CCNH: variants seen among roughly 807,000 people sequenced by gnomAD.
CCNH encodes the protein cyclin-H.
Under a neutral mutation model 41.9 loss-of-function variants are expected in CCNH, and 31 were observed. The ratio of observed to expected loss-of-function variants is 0.74; its 90% CI spans 0.56 to 1.00. The LOEUF is 1.00. CCNH is among the 50% of genes least tolerant of loss of function. The pLI, the probability that CCNH is intolerant of heterozygous loss-of-function variation, is 0.00. For synonymous variants in CCNH, 138 were observed against 136.1 expected, an observed-to-expected ratio of 1.01 and a Z score of -0.10; for missense variants, 362 against 388.4, an observed-to-expected ratio of 0.93 and a Z score of 0.57.
At chr5:87,393,493 T>C (rs1762672727), downstream of CCNH, 2 of 152,228 alleles carry the variant, frequency 1.3e-5, no homozygotes, top group Non-Finnish European at 2.9e-5. Flanking sequence ...CAAGGTCACA[T>C]AGTGAAATAC....
intron 9 of CCNH, among the ~76,000 whole-genome samples, chr5:87,335,838 G>C (rs889124563): frequency 6.6e-6 from 1 of 152,168 alleles, no homozygotes; most frequent in Admixed American, 6.5e-5. Flanking sequence ...AATTATGCAT[G>C]GGTAAAAGAT....
chr5:87,380,530 G>C (rs1413863258), upstream of CCNH: 1 of 1,613,104 alleles, frequency 6.2e-7, no homozygotes, highest in Non-Finnish European at 8.5e-7. Context: ...ATATTTATGG[G>C]TGTTTACAGA....
At chr5:87,332,122 AT>A (rs1358736784) in intron 9 of CCNH, among the ~76,000 whole-genome samples, 2 of 152,130 alleles carry the variant, frequency 1.3e-5, no homozygotes, top group Non-Finnish European at 2.9e-5. Flanking sequence ...ATGTGAAATT[AT>A]TACTGTACTT....
At chr5:87,353,690 A>G (rs1759445863) in intron 9 of CCNH, among the ~76,000 whole-genome samples, 1 of 152,166 alleles carries the variant, frequency 6.6e-6, no homozygotes, top group Non-Finnish European at 1.5e-5. Flanking sequence ...ACTCTGAGTG[A>G]AAACTGTATA....
At chr5:87,392,626 C>G (rs962793443), downstream of CCNH, 4 of 241,294 alleles carry the variant, frequency 1.7e-5, no homozygotes, top group Non-Finnish European at 3.4e-5. Context: ...ATTTATCACA[C>G]CTCAATCTTT....
chr5:87,370,378 A>G (rs1760838709), intron 9 of CCNH, among the ~76,000 whole-genome samples: 1 of 152,218 alleles, frequency 6.6e-6, no homozygotes, highest in Non-Finnish European at 1.5e-5. Context: ...TAGATTAGCT[A>G]TTAATCCATG....
At chr5:87,381,211 T>A (rs1761690944), upstream of CCNH, among the ~76,000 whole-genome samples, 1 of 152,206 alleles carries the variant, frequency 6.6e-6, no homozygotes, top group Admixed American at 6.5e-5. Flanking sequence ...ATTTTTCCAA[T>A]GAAGAAGCAG....
Position 87,361,208 on chromosome 5 carries a change from G to A in CCNH, c.*90+31562C>T, listed in dbSNP as rs145437749. On this transcript the variant is annotated intron_variant and NMD_transcript_variant, in intron 9 of 9. Coordinates refer to the CCNH transcript ENST00000645953. ...AGCATGTTAGGGAATGAGCATGGCT[G>A]TGTTCCAGTAAAACTTTATGTATAA... Among the ~76,000 whole-genome samples, 16 of 152,326 alleles carry A rather than the reference G, an allele frequency of 1.1e-4. No homozygotes were observed. The East Asian group carries it at 3.1e-3, about 29-fold the overall frequency.
At chr5:87,340,425 T>G (rs1397948226) in intron 9 of CCNH, among the ~76,000 whole-genome samples, 2 of 152,110 alleles carry the variant, frequency 1.3e-5, no homozygotes, top group Non-Finnish European at 2.9e-5. Context: ...TATAGTTTTT[T>G]TTTTTAAGCC....
chr5:87,323,659 A>T (rs1372683655), intron 9 of CCNH, among the ~76,000 whole-genome samples: 1 of 151,940 alleles, frequency 6.6e-6, no homozygotes, highest in Admixed American at 6.5e-5. Flanking sequence ...TTTGTAAAGT[A>T]TATTGTAAAG....
chr5:87,392,784 T>G (rs989788629), downstream of CCNH: 4 of 155,794 alleles, frequency 2.6e-5, no homozygotes, highest in African/African-American at 9.6e-5. Context: ...GTAGGCCCTC[T>G]AGTAACTAGC....
At chr5:87,358,265 A>G (rs2112444560) in intron 9 of CCNH, among the ~76,000 whole-genome samples, 1 of 152,296 alleles carries the variant, frequency 6.6e-6, no homozygotes, top group East Asian at 1.9e-4. Flanking sequence ...TTGAGACAAT[A>G]TACCCCATAA....
intron 9 of CCNH, among the ~76,000 whole-genome samples, chr5:87,339,037 C>G (rs1357459418): frequency 6.6e-6 from 1 of 152,090 alleles, no homozygotes; most frequent in Non-Finnish European, 1.5e-5. Context: ...TTCTCCCTTT[C>G]CTTTCGGATT....
intron 7 of CCNH, among the ~76,000 whole-genome samples, chr5:87,397,904 A>T (rs1342496281): frequency 6.6e-6 from 1 of 152,252 alleles, no homozygotes. Flanking sequence ...GAAAATAGCC[A>T]TAGGTGATAT....
chr5:87,377,174 T>A, exon 1 of CCNH: 1 of 1,198,496 alleles, frequency 8.3e-7, no homozygotes, highest in Non-Finnish European at 1.2e-6. Flanking sequence ...TTTCCCTCCT[T>A]AAAAATTGCA....
chr5:87,332,408 G>A (rs972814310), intron 9 of CCNH: 17 of 1,226,006 alleles, frequency 1.4e-5, no homozygotes, highest in Non-Finnish European at 2.0e-5. Context: ...ACAAGGAAAA[G>A]AGTATGGAAA....
intron 9 of CCNH, among the ~76,000 whole-genome samples, chr5:87,370,731 G>A (rs1580372688): frequency 6.6e-6 from 1 of 152,238 alleles, no homozygotes; most frequent in East Asian, 1.9e-4. Context: ...TACAAATACA[G>A]CTAAATTTCT....
chr5:87,393,426 T>C (rs1762666863), downstream of CCNH: 1 of 152,174 alleles, frequency 6.6e-6, no homozygotes, highest in Non-Finnish European at 1.5e-5. Context: ...GAGTAGGCAT[T>C]TTTATCTTCC....
chr5:87,312,741 C>T, the CCNH span, among the ~76,000 whole-genome samples: 7 of 152,134 alleles, frequency 4.6e-5, no homozygotes, highest in African/African-American at 1.7e-4. Flanking sequence ...TCTGTTTGGT[C>T]CTCTCAGCTT....
Sources: gnomAD v4.1 joint callset for allele counts (sites outside exome capture counted in the v4.1 genomes callset) on GRCh38, gnomAD v4.1.1 for gene constraint, MANE v1.5 for transcripts, NCBI Gene and HGNC (gene_info 2026-07-23, HGNC 2026-07-21) for gene names.